ARHGAP24: variants seen among roughly 807,000 people sequenced by gnomAD.
ARHGAP24 encodes the protein Rho GTPase activating protein 24.
ARHGAP24 carries 50 observed loss-of-function variants against 76.4 expected under a neutral mutation model. That is an observed-to-expected ratio of 0.65 (90% CI 0.52 to 0.83). The LOEUF is 0.83. Among genes scored for constraint, ARHGAP24 ranks in the 40% least tolerant of loss-of-function variants. The probability of loss-of-function intolerance (pLI) is 0.00; values close to 1 mark genes in which losing one functional copy is unlikely to be tolerated. For missense variants in ARHGAP24, 930 were observed against 914.2 expected (o/e 1.02, Z -0.22); for synonymous variants, 345 against 323.3 (o/e 1.07, Z -0.72).
intron 2 of ARHGAP24, among the ~76,000 whole-genome samples, chr4:85,619,787 TG>T (rs1720656299): frequency 1.3e-5 from 2 of 152,036 alleles, no homozygotes; most frequent in South Asian, 4.1e-4. Context: ...TATTGATTTT[TG>T]TATGTTGATT....
intron 2 of ARHGAP24, among the ~76,000 whole-genome samples, chr4:85,665,046 T>C (rs931253902): frequency 6.6e-6 from 1 of 151,904 alleles, no homozygotes; most frequent in Non-Finnish European, 1.5e-5. Flanking sequence ...GGTGCAGAGC[T>C]GAGTTCAATT....
At chr4:85,699,611 T>A (rs527610138) in intron 2 of ARHGAP24, among the ~76,000 whole-genome samples, 76 of 151,908 alleles carry the variant, frequency 5.0e-4, no homozygotes, top group African/African-American at 1.8e-3. Flanking sequence ...CAATTTTTTT[T>A]TTTTAATTTA....
At chr4:85,478,393 CA>C (rs1722685501) in intron 1 of ARHGAP24, among the ~76,000 whole-genome samples, 1 of 152,174 alleles carries the variant, frequency 6.6e-6, no homozygotes, top group Non-Finnish European at 1.5e-5. Context: ...TCAAACTTTA[CA>C]AGGTTCTGAT....
chr4:85,569,188 GA>G (rs1356939267), intron 1 of ARHGAP24, among the ~76,000 whole-genome samples: 1 of 152,142 alleles, frequency 6.6e-6, no homozygotes, highest in Admixed American at 6.5e-5. Context: ...GAATTGATCA[GA>G]AATGATAAAA....
chr4:85,794,113 C>T (rs7671129), intron 3 of ARHGAP24, among the ~76,000 whole-genome samples: 127,935 of 152,188 alleles, frequency 0.84, 53,872 homozygotes, highest in Middle Eastern at 0.88. Context: ...TTCTGGAACT[C>T]TGAGGGACAA....
intron 7 of ARHGAP24, 107 bp downstream of exon 7, chr4:85,975,068 T>C: frequency 1.1e-6 from 1 of 941,856 alleles, no homozygotes; most frequent in Non-Finnish European, 1.7e-6. Flanking sequence ...CGAGCCCTAG[T>C]GTTGGCCTCT....
intron 3 of ARHGAP24, among the ~76,000 whole-genome samples, chr4:85,898,218 C>A (rs1033270867): frequency 5.3e-5 from 8 of 151,728 alleles, no homozygotes; most frequent in Non-Finnish European, 1.0e-4. Flanking sequence ...GCCAACTCTT[C>A]CAATTCTTGT....
chr4:85,926,028 T>C (rs1321189327), intron 4 of ARHGAP24, among the ~76,000 whole-genome samples: 1 of 148,898 alleles, frequency 6.7e-6, no homozygotes, highest in South Asian at 2.3e-4. Context: ...CTTTCTCCTC[T>C]TCCATCTGTG....
intron 3 of ARHGAP24, among the ~76,000 whole-genome samples, chr4:85,818,355 T>C (rs554178297): frequency 2.9e-4 from 44 of 152,262 alleles, no homozygotes; most frequent in African/African-American, 9.6e-4. Flanking sequence ...CAGAAAATAC[T>C]TAAAATCGTC....
At chr4:85,705,066 C>T (rs1724260422) in intron 2 of ARHGAP24, among the ~76,000 whole-genome samples, 1 of 151,796 alleles carries the variant, frequency 6.6e-6, no homozygotes, top group Admixed American at 6.6e-5. Context: ...AATGTGAGAC[C>T]AAATCAAATG....
intron 1 of ARHGAP24, among the ~76,000 whole-genome samples, chr4:85,536,863 A>G (rs2110120182): frequency 6.6e-6 from 1 of 152,258 alleles, no homozygotes; most frequent in Middle Eastern, 3.4e-3. Flanking sequence ...ATATGTAGCA[A>G]TAAAAGCATA....
chr4:85,574,256 A>G (rs1195979933), intron 2 of ARHGAP24, among the ~76,000 whole-genome samples: 1 of 152,204 alleles, frequency 6.6e-6, no homozygotes, highest in Non-Finnish European at 1.5e-5. Context: ...CATTATCCTT[A>G]TTATGAAAAA....
At chr4:85,566,354 T>G (rs1726844965) in intron 1 of ARHGAP24, among the ~76,000 whole-genome samples, 1 of 152,196 alleles carries the variant, frequency 6.6e-6, no homozygotes, top group Admixed American at 6.5e-5. Context: ...CAATTGGTTA[T>G]GTGTATTTCC....
At chr4:85,554,927 A>G (rs565215661) in intron 1 of ARHGAP24, among the ~76,000 whole-genome samples, 15 of 150,934 alleles carry the variant, frequency 9.9e-5, no homozygotes, top group Admixed American at 5.9e-4. Flanking sequence ...TGATCTGCCC[A>G]CCTCAGCCTC....
At chr4:85,973,840 T>G (rs796856127) in intron 6 of ARHGAP24, among the ~76,000 whole-genome samples, 4 of 67,312 alleles carry the variant, frequency 5.9e-5, no homozygotes, top group Non-Finnish European at 1.2e-4. Context: ...ATTGTTTTTT[T>G]TTTTTTTTTT....
chr4:85,796,996 G>A (rs1329796506), intron 3 of ARHGAP24, among the ~76,000 whole-genome samples: 1 of 152,164 alleles, frequency 6.6e-6, no homozygotes, highest in Non-Finnish European at 1.5e-5. Context: ...TACACTGGAG[G>A]GGCTGGGTGC....
At chr4:85,908,608 C>T (rs146422658) in intron 3 of ARHGAP24, among the ~76,000 whole-genome samples, 6 of 152,304 alleles carry the variant, frequency 3.9e-5, no homozygotes, top group African/African-American at 1.2e-4. Flanking sequence ...GGGGGCTTCT[C>T]TCCAAAGGGA....
chr4:85,824,365 A>C (rs1333010967), intron 3 of ARHGAP24, among the ~76,000 whole-genome samples: 1 of 152,196 alleles, frequency 6.6e-6, no homozygotes, highest in Non-Finnish European at 1.5e-5. Context: ...ACTTGTCTTC[A>C]TTAGTTCACA....
chr4:85,509,955 A>AGTG (rs1724210334), intron 1 of ARHGAP24, among the ~76,000 whole-genome samples: 1 of 152,158 alleles, frequency 6.6e-6, no homozygotes, highest in African/African-American at 2.4e-5. Context: ...ACAAAGATAG[A>AGTG]GTGGTGGCAA....
Sources: gnomAD v4.1 joint callset for allele counts (sites outside exome capture counted in the v4.1 genomes callset) on GRCh38, gnomAD v4.1.1 for gene constraint, MANE v1.5 for transcripts, NCBI Gene and HGNC (gene_info 2026-07-23, HGNC 2026-07-21) for gene names.